CDH4: variants seen among roughly 807,000 people sequenced by gnomAD.
CDH4 encodes the protein cadherin 4, also known as cadherin-4.
A neutral mutation model predicts 86.0 loss-of-function variants in CDH4; 33 were observed. That is an observed-to-expected ratio of 0.38 (90% CI 0.29 to 0.51). CDH4 has a LOEUF of 0.51. CDH4 is among the 20% of genes least tolerant of loss of function. CDH4 has a pLI of 0.86. For synonymous variants in CDH4, 555 were observed against 549.4 expected (o/e 1.01, Z -0.14); for missense variants, 1,114 against 1,307.4 (o/e 0.85, Z 2.28).
Position 61,653,432 on chromosome 20 carries a change from G to A in CDH4, c.170-90131G>A, listed in dbSNP as rs1204533786. Among the ~76,000 whole-genome samples the A allele has an allele frequency of 2.3e-4, 32 of 136,456 alleles. 1 individual carries two copies. The highest frequency in any genetic ancestry group is 4.2e-4 in the Non-Finnish European group (25 of 60,058). The allele number at this position is 136,456 out of a possible 152,430, so 89.5% of individuals were successfully genotyped here. A position where few individuals can be genotyped will look rare whatever the true frequency, so the allele number is the denominator to read the frequency against. ...AAAACCGCCATTGTCATCATGGCCC[G>A]TTCTCAATGAGCTGTTGGGTACACC... On this transcript the variant is annotated intron_variant, in intron 2 of 15. Coordinates refer to ENST00000614565, the MANE Select transcript of CDH4 (RefSeq NM_001794.5).
At chr20:61,752,090 G>T (rs2145955519) in intron 3 of CDH4, among the ~76,000 whole-genome samples, 1 of 152,314 alleles carries the variant, frequency 6.6e-6, no homozygotes, top group South Asian at 2.1e-4. Flanking sequence ...CCAGCACTTT[G>T]GGAGGCCAAG....
chr20:61,662,856 G>A (rs974554061), intron 2 of CDH4, among the ~76,000 whole-genome samples: 1 of 152,134 alleles, frequency 6.6e-6, no homozygotes, highest in Non-Finnish European at 1.5e-5. Context: ...CTCCATGTCC[G>A]CCTACAGGGT....
intron 2 of CDH4, among the ~76,000 whole-genome samples, chr20:61,667,917 G>A (rs1427317622): frequency 1.3e-5 from 2 of 152,198 alleles, no homozygotes; most frequent in Non-Finnish European, 2.9e-5. Flanking sequence ...GTCTGAGGCT[G>A]CCAAATGTCG....
At chr20:61,714,023 T>TTGTGTTATGTTATG (rs1555828915) in intron 2 of CDH4, among the ~76,000 whole-genome samples, 2 of 123,912 alleles carry the variant, frequency 1.6e-5, no homozygotes, top group South Asian at 6.1e-4. Context: ...CTATTCTTTT[T>TTGTGTTATGTTATG]TTATTTTATT....
chr20:61,439,248 G>A (rs2085301911), intron 2 of CDH4, among the ~76,000 whole-genome samples: 1 of 152,184 alleles, frequency 6.6e-6, no homozygotes, highest in South Asian at 2.1e-4. Flanking sequence ...TGGTTGTGCT[G>A]CAGTGTGCGT....
At chr20:61,839,881 G>GGT (rs939905855) in intron 4 of CDH4, among the ~76,000 whole-genome samples, 1 of 151,216 alleles carries the variant, frequency 6.6e-6, no homozygotes, top group African/African-American at 2.4e-5. Flanking sequence ...GTGCTTGTGT[G>GGT]GTGTGTGTGT....
chr20:61,434,018 C>A (rs2085266012), intron 2 of CDH4, among the ~76,000 whole-genome samples: 1 of 152,202 alleles, frequency 6.6e-6, no homozygotes, highest in African/African-American at 2.4e-5. Flanking sequence ...TGGCGCATGG[C>A]TGACGTGCTG....
Position 61,910,470 on chromosome 20 carries a change from C to T in CDH4, c.1237C>T (p.Leu413Phe). The part of the protein sequence containing the change: ...ENRVETVVAN[L>F]TVMDRDQPHS... ...CCGCGTGGAGACCGTGGTCGCAAAC[C>T]TCACGGTGATGGACCGAGATCAGCC... Residue 413 changes from leucine to phenylalanine, a missense_variant, in exon 9 of 16, where the codon CTC (leucine) becomes TTC (phenylalanine). Physicochemically the swap from Leu to Phe is conservative, Grantham distance 22 (BLOSUM62 0). This residue lies in a region of CDH4 where 705 missense variants were observed against 914.1 expected (regional missense o/e 0.77). Transcript: ENST00000614565. The T allele has an allele frequency of 1.2e-6, 2 of 1,613,954 alleles. No homozygotes were observed. Among genetic ancestry groups the T allele is most frequent in the Admixed American group, 1.7e-5 (1 of 60,024 alleles).
At chr20:61,615,169 C>G (rs2086715671) in intron 2 of CDH4, among the ~76,000 whole-genome samples, 1 of 151,674 alleles carries the variant, frequency 6.6e-6, no homozygotes, top group East Asian at 1.9e-4. Flanking sequence ...GTCACCCAGT[C>G]TGGAGTGCAG....
chr20:61,422,620 CA>C (rs2145504291), intron 2 of CDH4, among the ~76,000 whole-genome samples: 1 of 152,176 alleles, frequency 6.6e-6, no homozygotes, highest in South Asian at 2.1e-4. Context: ...GCACAGAGTT[CA>C]GAGCGCAACC....
At chr20:61,350,428 C>A (rs1396307916) in intron 2 of CDH4, among the ~76,000 whole-genome samples, 1 of 988 alleles carries the variant, frequency 1.0e-3, no homozygotes, top group Non-Finnish European at 2.9e-3. Flanking sequence ...TCCCCCTCCC[C>A]CAGTGCTGCA....
chr20:61,430,109 C>T (rs2085238148), intron 2 of CDH4, among the ~76,000 whole-genome samples: 1 of 152,214 alleles, frequency 6.6e-6, no homozygotes, highest in Admixed American at 6.5e-5. Flanking sequence ...TGCCCCTATA[C>T]TTATCTGTGG....
chr20:61,812,850 AGCTTCTTCCTGCAGGCCACCT>A (rs1568829658), intron 4 of CDH4, among the ~76,000 whole-genome samples: 1 of 152,180 alleles, frequency 6.6e-6, no homozygotes, highest in African/African-American at 2.4e-5. Flanking sequence ...CAGCCATGCA[AGCTTCTTCCTGCAGGCCACCT>A]GCACAGCCAG....
In CDH4 at chr20:61,589,916, C is replaced by T. The variant is rs544123775; in HGVS notation, c.170-153647C>T. Among the ~76,000 whole-genome samples, 11 of 151,810 alleles carry T rather than the reference C, an allele frequency of 7.2e-5. No individual in the cohort carries two copies. In the East Asian group the frequency reaches 1.7e-3, roughly 24 times the overall value. On this transcript the variant is annotated intron_variant, in intron 2 of 15. Transcript: ENST00000614565. ...GAGAACAGATAATCAACAGGATTAACAGGAGCGATGGGAATGGTGCTCCTT... is the reference window on the plus strand; with the variant it reads ...GAGAACAGATAATCAACAGGATTAATAGGAGCGATGGGAATGGTGCTCCTT...
At chr20:61,836,668 G>T (rs1222886170) in intron 4 of CDH4, among the ~76,000 whole-genome samples, 1 of 152,192 alleles carries the variant, frequency 6.6e-6, no homozygotes, top group Non-Finnish European at 1.5e-5. Context: ...GGAAGAGTTG[G>T]GGGGAAAACA....
At chr20:61,301,414 G>A (rs1349541363) in intron 2 of CDH4, among the ~76,000 whole-genome samples, 1 of 152,192 alleles carries the variant, frequency 6.6e-6, no homozygotes, top group African/African-American at 2.4e-5. Flanking sequence ...GCAGCTGCTG[G>A]TACTCACTGG....
chr20:61,755,132 A>G (rs1275222171), intron 3 of CDH4: 3 of 152,172 alleles, frequency 2.0e-5, no homozygotes, highest in Non-Finnish European at 2.9e-5. Flanking sequence ...CTTATTCACT[A>G]TCACGAGAAT....
intron 10 of CDH4, among the ~76,000 whole-genome samples, 187 bp from the exon 11 acceptor site, chr20:61,924,147 C>T (rs1568891110): frequency 1.4e-5 from 2 of 139,278 alleles, no homozygotes; most frequent in Admixed American, 7.0e-5. Flanking sequence ...GTTGTGGGGC[C>T]GGGGGGGAGG....
At chr20:61,935,517 G>A (rs747630865) in intron 15 of CDH4, among the ~76,000 whole-genome samples, 12 of 152,226 alleles carry the variant, frequency 7.9e-5, no homozygotes, top group Non-Finnish European at 1.3e-4. Context: ...CAGCACTTTG[G>A]GAGGCCAAGG....
Sources: gnomAD v4.1 joint callset for allele counts (sites outside exome capture counted in the v4.1 genomes callset) on GRCh38, gnomAD v4.1.1 for gene constraint, gnomAD v4.1.1 regional missense constraint, MANE v1.5 for transcripts, NCBI Gene and HGNC (gene_info 2026-07-23, HGNC 2026-07-21) for gene names.